Variants in HEMK2 observed in about 807,000 individuals in gnomAD.
HEMK2 encodes the protein methyltransferase HEMK2.
At chr21:28,883,065 T>C in the HEMK2 span, 1 of 1,599,588 alleles carries the variant, frequency 6.3e-7, no homozygotes, top group Non-Finnish European at 8.5e-7. Flanking sequence ...CCAGGCATAT[T>C]TCCACTCTGA....
chr21:28,732,972 G>A, the HEMK2 span, among the ~76,000 whole-genome samples: 10 of 152,118 alleles, frequency 6.6e-5, no homozygotes, highest in East Asian at 1.9e-4. Context: ...TACTCATCAC[G>A]TCTCCCAAAC....
At chr21:28,673,554 T>C in the HEMK2 span, among the ~76,000 whole-genome samples, 3 of 107,018 alleles carry the variant, frequency 2.8e-5, 1 homozygote, top group African/African-American at 1.3e-4. Flanking sequence ...ATGCATAAAA[T>C]GAATAGTTTC....
chr21:28,793,610 TG>T, the HEMK2 span, among the ~76,000 whole-genome samples: 1 of 152,192 alleles, frequency 6.6e-6, no homozygotes, highest in Non-Finnish European at 1.5e-5. Context: ...AGGTGAGTGG[TG>T]GTCCCTGAAA....
chr21:28,756,458 C>T, the HEMK2 span, among the ~76,000 whole-genome samples: 2 of 152,172 alleles, frequency 1.3e-5, no homozygotes, highest in Admixed American at 6.5e-5. Context: ...GGAAAATCTC[C>T]ATCCATTCCA....
At chr21:28,809,849 G>C in the HEMK2 span, among the ~76,000 whole-genome samples, 2 of 152,154 alleles carry the variant, frequency 1.3e-5, no homozygotes, top group Non-Finnish European at 1.5e-5. Flanking sequence ...TCCAAAGGGA[G>C]TATCACCTTT....
the HEMK2 span, among the ~76,000 whole-genome samples, chr21:28,604,177 C>T: frequency 0.018 from 2,708 of 152,214 alleles, 107 homozygotes; most frequent in African/African-American, 0.063. Flanking sequence ...CTCAGTCTAC[C>T]CTGCTTCATA....
chr21:28,826,841 G>C, the HEMK2 span, among the ~76,000 whole-genome samples: 2 of 152,096 alleles, frequency 1.3e-5, no homozygotes, highest in African/African-American at 4.8e-5. Context: ...CCAATGTGCT[G>C]AGTCTTCATG....
the HEMK2 span, among the ~76,000 whole-genome samples, chr21:28,740,985 C>T: frequency 6.6e-6 from 1 of 152,188 alleles, no homozygotes; most frequent in South Asian, 2.1e-4. Flanking sequence ...ACCTCTAATA[C>T]AATTACTACT....
At chr21:28,825,140 G>C in the HEMK2 span, among the ~76,000 whole-genome samples, 1 of 152,146 alleles carries the variant, frequency 6.6e-6, no homozygotes. Flanking sequence ...TTGGCTTCAG[G>C]CTTTGAAGTC....
At chr21:28,769,530 G>C in the HEMK2 span, among the ~76,000 whole-genome samples, 1 of 152,000 alleles carries the variant, frequency 6.6e-6, no homozygotes, top group African/African-American at 2.4e-5. Context: ...AAATTTTCTA[G>C]GTTATTATTA....
the HEMK2 span, among the ~76,000 whole-genome samples, chr21:28,843,097 T>C: frequency 6.6e-6 from 1 of 152,172 alleles, no homozygotes; most frequent in African/African-American, 2.4e-5. Context: ...CTGAGTCTTC[T>C]CTTACATGAG....
chr21:28,828,294 TTA>T, the HEMK2 span, among the ~76,000 whole-genome samples: 5 of 152,124 alleles, frequency 3.3e-5, no homozygotes, highest in African/African-American at 1.2e-4. Context: ...GCAGTGGGAT[TTA>T]GATGCACATG....
chr21:28,653,525 G>A, the HEMK2 span, among the ~76,000 whole-genome samples: 1 of 151,940 alleles, frequency 6.6e-6, no homozygotes, highest in Non-Finnish European at 1.5e-5. Context: ...TTTTCATTCC[G>A]ATCTTTTTTT....
the HEMK2 span, among the ~76,000 whole-genome samples, chr21:28,787,979 G>C: frequency 6.6e-6 from 1 of 151,944 alleles, no homozygotes; most frequent in African/African-American, 2.4e-5. Context: ...CAATCAATGA[G>C]TGGATAAAGA....
the HEMK2 span, among the ~76,000 whole-genome samples, chr21:28,866,260 G>C: frequency 6.6e-6 from 1 of 151,214 alleles, no homozygotes; most frequent in African/African-American, 2.4e-5. Context: ...AGGATCACTT[G>C]AGCTTGAGAG....
chr21:28,715,519 C>A, the HEMK2 span, among the ~76,000 whole-genome samples: 1 of 152,024 alleles, frequency 6.6e-6, no homozygotes, highest in South Asian at 2.1e-4. Context: ...GAATTAAATT[C>A]TTTACATATT....
the HEMK2 span, among the ~76,000 whole-genome samples, chr21:28,871,623 T>C: frequency 0.9 from 136,941 of 152,244 alleles, 61,902 homozygotes; most frequent in African/African-American, 0.97. Flanking sequence ...TGTAACAGTG[T>C]CACCAACTGG....
the HEMK2 span, among the ~76,000 whole-genome samples, chr21:28,666,892 A>ATTCT: frequency 1.3e-5 from 2 of 152,194 alleles, no homozygotes; most frequent in Non-Finnish European, 2.9e-5. Context: ...TATGGGAACA[A>ATTCT]ATAGAAAAAA....
chr21:28,822,576 T>C, the HEMK2 span, among the ~76,000 whole-genome samples: 1 of 151,480 alleles, frequency 6.6e-6, no homozygotes, highest in East Asian at 1.9e-4. Context: ...ACAATGCATA[T>C]ATATATATAT....
Sources: gnomAD v4.1 joint callset for allele counts (sites outside exome capture counted in the v4.1 genomes callset) on GRCh38, gnomAD v4.1.1 for gene constraint, MANE v1.5 for transcripts, NCBI Gene and HGNC (gene_info 2026-07-23, HGNC 2026-07-21) for gene names.